AP2S1: variants seen among roughly 807,000 people sequenced by gnomAD.
AP2S1 encodes adaptor related protein complex 2 subunit sigma 1, also known as AP-2 complex subunit sigma.
Under a neutral mutation model 21.0 loss-of-function variants are expected in AP2S1, and 6 were observed. The observed-to-expected ratio is 0.29, with a 90% CI of 0.16 to 0.56. AP2S1 has a LOEUF of 0.56. Ranked by LOEUF, AP2S1 falls within the 20% of genes least tolerant of loss-of-function variation. AP2S1 has a pLI of 0.92. For synonymous variants in AP2S1, 63 were observed against 74.6 expected, an observed-to-expected ratio of 0.84 and a Z score of 0.80; for missense variants, 60 against 186.2, an observed-to-expected ratio of 0.32 and a Z score of 3.95.
At chr19:46,842,483 A>G (rs540504636) in intron 2 of AP2S1, among the ~76,000 whole-genome samples, 1 of 152,320 alleles carries the variant, frequency 6.6e-6, no homozygotes, top group Admixed American at 6.5e-5. Flanking sequence ...AGGTGAATAC[A>G]TGCACAAAGG....
intron 2 of AP2S1, among the ~76,000 whole-genome samples, chr19:46,842,156 G>A (rs1200058465): frequency 6.6e-6 from 1 of 152,132 alleles, no homozygotes; most frequent in Non-Finnish European, 1.5e-5. Context: ...ACTCCGGCCT[G>A]GGGCACAGAG....
chr19:46,839,819 C>A (rs559469934), intron 2 of AP2S1, among the ~76,000 whole-genome samples: 3 of 116,496 alleles, frequency 2.6e-5, no homozygotes, highest in East Asian at 2.1e-4. Flanking sequence ...GGGTGCCTAA[C>A]CCCCTCTGAT....
At chr19:46,847,387 T>C (rs1273923987) in intron 1 of AP2S1, among the ~76,000 whole-genome samples, 1 of 152,052 alleles carries the variant, frequency 6.6e-6, no homozygotes, top group Non-Finnish European at 1.5e-5. Flanking sequence ...CAGCTAACTT[T>C]TTGTATTTTT....
intron 2 of AP2S1, among the ~76,000 whole-genome samples, chr19:46,842,640 G>A (rs1179100360): frequency 2.6e-5 from 4 of 151,786 alleles, no homozygotes; most frequent in East Asian, 3.9e-4. Flanking sequence ...CCCCTCCCGC[G>A]CCCCAGCCCT....
At chr19:46,839,439 C>CCCCCAAAAACACACA in intron 3 of AP2S1, 26 bp downstream of exon 3, 1 of 1,569,712 alleles carries the variant, frequency 6.4e-7, no homozygotes. Context: ...CCCGCCTCCC[C>CCCCCAAAAACACACA]ACCTTACATC....
intron 1 of AP2S1, chr19:46,850,087 A>G: frequency 8.3e-7 from 1 of 1,211,976 alleles, no homozygotes; most frequent in South Asian, 4.2e-5. Context: ...CTCCTCTTGG[A>G]AAGACCTATT....
chr19:46,846,050 G>T lies in AP2S1; in HGVS notation c.96C>A (p.Ile32=), dbSNP rs376074817. Residue 32 remains isoleucine (I), a synonymous_variant, in exon 2 of 5, where the codon ATC becomes ATA. Coordinates refer to ENST00000263270, the MANE Select transcript of AP2S1 (RefSeq NM_004069.6). ...QFDDDEKQKL[I]EEVHAVVTVR... ...CGGTGACCACGGCATGCACCTCCTC[G>T]ATCAGCTTCTGTTTCTCATCATCAT... 6.2e-7 allele frequency: 1 copy of T among 1,614,096 alleles called. No individual in the cohort carries two copies. The highest frequency in any genetic ancestry group is 1.1e-5 in the South Asian group (1 of 91,076).
chr19:46,847,235 C>CTTT (rs755228711), intron 1 of AP2S1, among the ~76,000 whole-genome samples: 1 of 141,842 alleles, frequency 7.1e-6, no homozygotes, highest in Non-Finnish European at 1.5e-5. Flanking sequence ...AAAATCACCA[C>CTTT]TTTTTTTTTT....
intron 2 of AP2S1, 124 bp downstream of exon 2, chr19:46,845,869 T>C: frequency 2.4e-6 from 3 of 1,266,408 alleles, no homozygotes; most frequent in Non-Finnish European, 3.3e-6. Flanking sequence ...TCAAAGCAGG[T>C]TGAGTGAATG....
chr19:46,850,103 G>T, intron 1 of AP2S1: 9 of 1,224,616 alleles, frequency 7.3e-6, no homozygotes, highest in Non-Finnish European at 9.2e-6. Flanking sequence ...CTATTCAGTT[G>T]CTCCCCATTC....
chr19:46,843,624 G>A (rs190543056), intron 2 of AP2S1, among the ~76,000 whole-genome samples: 10 of 152,270 alleles, frequency 6.6e-5, no homozygotes, highest in African/African-American at 2.2e-4. Flanking sequence ...TCGGGAGGCT[G>A]AGGTGGGAGA....
Position 46,847,040 on chromosome 19 carries a change from T to G in AP2S1, c.4-898A>C, listed in dbSNP as rs369499853. On this transcript the variant is annotated intron_variant, in intron 1 of 4. Transcript: ENST00000263270. Reference sequence around the variant, plus strand: ...TGGCTGGTAGGTGGTAGATACTCAATAAACATTTGAGGTTCAGACTCCTTT... The same window carrying G: ...TGGCTGGTAGGTGGTAGATACTCAAGAAACATTTGAGGTTCAGACTCCTTT... Among the ~76,000 whole-genome samples the G allele has an allele frequency of 5.9e-5, 9 of 152,268 alleles. 1 individual carries two copies. Among genetic ancestry groups the G allele is most frequent in the African/African-American group, 2.2e-4 (9 of 41,570 alleles).
At chr19:46,848,427 G>A (rs527463333) in intron 1 of AP2S1, among the ~76,000 whole-genome samples, 6 of 152,210 alleles carry the variant, frequency 3.9e-5, no homozygotes, top group South Asian at 2.1e-4. Context: ...TGACTGGCAC[G>A]TACTAAGTGT....
intron 2 of AP2S1, among the ~76,000 whole-genome samples, chr19:46,844,919 T>C (rs1599769834): frequency 6.6e-6 from 1 of 151,060 alleles, no homozygotes; most frequent in Admixed American, 6.6e-5. Flanking sequence ...CTGACCAACA[T>C]GGTGAAACCC....
In AP2S1 at chr19:46,839,445, A is replaced by AAAAAC; in HGVS notation, c.267+19_267+20insGTTTT. On this transcript the variant is annotated intron_variant, in intron 3 of 4. Coordinates refer to ENST00000263270, the MANE Select transcript of AP2S1 (RefSeq NM_004069.6). ...GGCTGCCCACCCGCCTCCCCACCTT[A>AAAAAC]CATCCCTCTCCCGCCGTACCTCCAC... is the stretch of plus-strand genomic sequence containing the variant. The AAAAAC allele has an allele frequency of 6.7e-7, 1 of 1,502,466 alleles. No homozygotes were observed. The highest frequency in any genetic ancestry group is 9.0e-7 in the Non-Finnish European group (1 of 1,110,006). 93.1% of individuals were successfully genotyped at this position (1,502,466 alleles called of 1,614,324 possible).
At position 46,839,209 on chromosome 19, in the gene AP2S1, C is replaced by T. The variant is rs1000488090; in HGVS notation, c.267+256G>A. Among the ~76,000 whole-genome samples, 11 of 141,808 alleles carry T rather than the reference C, an allele frequency of 7.8e-5. No individual in the cohort carries two copies. In the East Asian group the frequency reaches 2.3e-3, roughly 29 times the overall value. 93.0% of individuals were successfully genotyped at this position (141,808 alleles called of 152,430 possible). On this transcript the variant is annotated intron_variant, in intron 3 of 4. Coordinates refer to ENST00000263270, the MANE Select transcript of AP2S1 (RefSeq NM_004069.6). ...GGCTGAGGCAGGAGAATCACTTGAACCTGGGAGGTGGAGGCTGCAATGAGC... is the reference window on the plus strand; with the variant it reads ...GGCTGAGGCAGGAGAATCACTTGAATCTGGGAGGTGGAGGCTGCAATGAGC...
intron 1 of AP2S1, chr19:46,850,111 TTCTTTCCGAGTGTCCA>T: frequency 8.1e-7 from 1 of 1,229,450 alleles, no homozygotes; most frequent in Non-Finnish European, 1.0e-6. Flanking sequence ...TTGCTCCCCA[TTCTTTCCGAGTGTCCA>T]TCTTACCTCC....
Position 46,847,339 on chromosome 19 carries a change from C to T in AP2S1, c.4-1197G>A, listed in dbSNP as rs529352322. ...ACCTCCACCTCCTGGGTGCAGGCCT[C>T]CCAGGTAGCTGGGACCGCAGGTGCA... On this transcript the variant is annotated intron_variant, in intron 1 of 4. Coordinates refer to ENST00000263270, the MANE Select transcript of AP2S1 (RefSeq NM_004069.6). Among the ~76,000 whole-genome samples the T allele has an allele frequency of 7.2e-5, 11 of 151,772 alleles. No homozygotes were observed. The South Asian group carries it at 1.7e-3, about 23-fold the overall frequency.
intron 2 of AP2S1, among the ~76,000 whole-genome samples, chr19:46,839,953 A>T (rs1466064989): frequency 6.6e-6 from 1 of 152,178 alleles, no homozygotes; most frequent in Non-Finnish European, 1.5e-5. Context: ...CGTGTTCAAT[A>T]GTGTCCATGC....
Sources: allele counts gnomAD v4.1 joint callset (sites outside exome capture counted in the v4.1 genomes callset), GRCh38; gene constraint gnomAD v4.1.1; transcripts MANE v1.5; gene names NCBI Gene and HGNC (gene_info 2026-07-23, HGNC 2026-07-21).